ACCS: variants seen among roughly 807,000 people sequenced by gnomAD.
ACCS encodes the protein 1-aminocyclopropane-1-carboxylate synthase-like protein 1.
Under a neutral mutation model 59.8 loss-of-function variants are expected in ACCS, and 42 were observed. The observed-to-expected ratio is 0.70, with a 90% CI of 0.55 to 0.91. The LOEUF (loss-of-function observed/expected upper bound fraction) is 0.91. Among genes scored for constraint, ACCS ranks in the 40% least tolerant of loss-of-function variants. The pLI is 0.00. For missense variants in ACCS, 602 were observed against 630.4 expected (o/e 0.95, Z 0.48); for synonymous variants, 230 against 240.3 (o/e 0.96, Z 0.40).
At chr11:44,076,664 C>G (rs1320294757) in intron 6 of ACCS, among the ~76,000 whole-genome samples, 15 of 152,228 alleles carry the variant, frequency 9.9e-5, no homozygotes, top group African/African-American at 3.6e-4. Context: ...AAAATAGAAA[C>G]AAATGTTCAG....
Position 44,083,438 on chromosome 11 carries a change from C to A in ACCS, c.1269C>A (p.Gly423=). Residue 423 remains glycine (G), a synonymous_variant, in exon 14 of 15, where the codon GGC becomes GGA. Transcript: ENST00000263776. ...WVDLRKYLPK[G]TFEEEMLLWR... ...CACCCTCTCAGTACCTGCCCAAGGG[C>A]ACCTTTGAGGAGGAAATGCTGCTCT... The A allele has an allele frequency of 1.2e-6, 2 of 1,614,170 alleles. No individual in the cohort carries two copies.
intron 7 of ACCS, 137 bp from the exon 8 acceptor site, chr11:44,077,708 G>T: frequency 6.8e-7 from 1 of 1,462,358 alleles, no homozygotes; most frequent in Non-Finnish European, 9.0e-7. Context: ...TAAGAGGGAG[G>T]GACCCCACCT....
intron 8 of ACCS, 26 bp downstream of exon 8, chr11:44,077,948 G>T: frequency 6.2e-7 from 1 of 1,611,264 alleles, no homozygotes; most frequent in Non-Finnish European, 8.5e-7. Context: ...CAAACCTGAG[G>T]CTGGGTGTGG....
Position 44,083,589 on chromosome 11 carries a change from G to A in ACCS, c.1408+12G>A, listed in dbSNP as rs763449430. ...CCGGCTTTGCCTGGGTGAGCAGCCT[G>A]CCTTTCCAGCCCAGTCCTAACTGCA... is the stretch of plus-strand genomic sequence containing the variant. On this transcript the variant is annotated intron_variant, in intron 14 of 14. Transcript: ENST00000263776. The A allele has an allele frequency of 5.6e-6, 9 of 1,614,204 alleles. No individual in the cohort carries two copies. Among genetic ancestry groups the A allele is most frequent in the Middle Eastern group, 1.6e-4 (1 of 6,062 alleles).
intron 4 of ACCS, 151 bp from the exon 5 acceptor site, chr11:44,074,461 G>A: frequency 1.5e-6 from 1 of 666,322 alleles, no homozygotes; most frequent in Non-Finnish European, 2.7e-6. Context: ...GAAGGTGGGT[G>A]CTAAGGAGTG....
At chr11:44,075,876 C>T in intron 6 of ACCS, 1 of 371,842 alleles carries the variant, frequency 2.7e-6, no homozygotes, top group Non-Finnish European at 4.9e-6. Flanking sequence ...TGTCTTAGAG[C>T]AGGAAGAAAG....
At chr11:44,068,542 C>T (rs1952897869) in intron 2 of ACCS, among the ~76,000 whole-genome samples, 1 of 152,160 alleles carries the variant, frequency 6.6e-6, no homozygotes, top group South Asian at 2.1e-4. Context: ...AAGGTTGAGA[C>T]TATAGTGAGC....
chr11:44,083,327 G>T lies in ACCS; in HGVS notation c.1254+16G>T. 6.2e-7 allele frequency: 1 copy of T among 1,613,812 alleles called. No homozygotes were observed. Among genetic ancestry groups the T allele is most frequent in the South Asian group, 1.1e-5 (1 of 91,092 alleles). Reference sequence around the variant, plus strand: ...CTTGAGAAAGGTAATGCTGGTGGAGGTGCGGGCTGAGAGGGAGTTTCAGGT... The same window carrying T: ...CTTGAGAAAGGTAATGCTGGTGGAGTTGCGGGCTGAGAGGGAGTTTCAGGT... On this transcript the variant is annotated intron_variant, in intron 13 of 14. Coordinates refer to ENST00000263776, the MANE Select transcript of ACCS (RefSeq NM_032592.4).
intron 2 of ACCS, among the ~76,000 whole-genome samples, chr11:44,068,275 A>G (rs1952886194): frequency 6.6e-6 from 1 of 152,110 alleles, no homozygotes; most frequent in African/African-American, 2.4e-5. Context: ...TAGTTACTTA[A>G]CTTCCTTGAA....
chr11:44,067,384 A>C, intron 1 of ACCS: 1 of 450,086 alleles, frequency 2.2e-6, no homozygotes, highest in Admixed American at 4.0e-5. Flanking sequence ...TAAAGCAGCA[A>C]TACATTAAAG....
At chr11:44,075,675 A>G in intron 6 of ACCS, 83 bp downstream of exon 6, 1 of 1,514,746 alleles carries the variant, frequency 6.6e-7, no homozygotes, top group Non-Finnish European at 9.1e-7. Flanking sequence ...CAAGGGCTGC[A>G]ATAGTATGCT....
At chr11:44,069,865 G>A (rs574198310) in intron 2 of ACCS, among the ~76,000 whole-genome samples, 1 of 152,206 alleles carries the variant, frequency 6.6e-6, no homozygotes, top group Admixed American at 6.5e-5. Flanking sequence ...TTAATTAGAA[G>A]CACGTTGCTA....
At chr11:44,083,107 C>T in intron 12 of ACCS, 62 bp from the exon 13 acceptor site, 1 of 1,591,406 alleles carries the variant, frequency 6.3e-7, no homozygotes, top group Non-Finnish European at 8.6e-7. Flanking sequence ...AGCATTTAGA[C>T]TAGTGGGACC....
At chr11:44,076,244 G>T (rs1953354998) in intron 6 of ACCS, among the ~76,000 whole-genome samples, 1 of 152,188 alleles carries the variant, frequency 6.6e-6, no homozygotes, top group Non-Finnish European at 1.5e-5. Context: ...AGGGGTTATT[G>T]GTTGCAAGGA....
intron 5 of ACCS, 103 bp downstream of exon 5, chr11:44,074,784 C>CTTTCTTTCTTTCTTTCTTTCTT: frequency 2.5e-6 from 1 of 398,322 alleles, no homozygotes; most frequent in East Asian, 7.1e-5. Flanking sequence ...TTTTCTCTCT[C>CTTTCTTTCTTTCTTTCTTTCTT]TCTCTCTTTC....
intron 7 of ACCS, 175 bp from the exon 8 acceptor site, chr11:44,077,670 G>A: frequency 6.9e-7 from 1 of 1,444,670 alleles, no homozygotes; most frequent in South Asian, 1.5e-5. Context: ...GGGGGTCTCT[G>A]AAGTGATGGG....
rs1952803076 is a variant in ACCS, at chr11:44,066,531, G to C, written c.-171G>C. On this transcript the variant is annotated 5_prime_UTR_variant, in exon 1 of 15. Coordinates refer to ENST00000263776, the MANE Select transcript of ACCS (RefSeq NM_032592.4). ...GTGCGCGGTAGCCGCCCCACTTGCG[G>C]GATTCCAAGGCCTCATCGAGTGCGG... 1 of 152,254 alleles carries C rather than the reference G, an allele frequency of 6.6e-6. No homozygotes were observed. The highest frequency in any genetic ancestry group is 2.1e-4 in the South Asian group (1 of 4,834). 9.4% of individuals were successfully genotyped at this position (152,254 alleles called of 1,614,324 possible).
At position 44,066,419 on chromosome 11, in the gene ACCS, G is replaced by C. The variant is rs1211176490; in HGVS notation, c.-283G>C. ...CTGCCCTTCCATCTCGAATCCCTTG[G>C]CGCCGATCACACTTCCTCTGCCTGG... On this transcript the variant is annotated 5_prime_UTR_variant, in exon 1 of 15. Transcript: ENST00000263776. 6.6e-6 allele frequency: 1 copy of C among 152,334 alleles called. No individual in the cohort carries two copies. Among genetic ancestry groups the C allele is most frequent in the Non-Finnish European group, 1.5e-5 (1 of 68,152 alleles). 9.4% of individuals were successfully genotyped at this position (152,334 alleles called of 1,614,324 possible).
chr11:44,070,421 C>T (rs1444022406), intron 2 of ACCS, among the ~76,000 whole-genome samples: 2 of 152,158 alleles, frequency 1.3e-5, no homozygotes, highest in Admixed American at 6.5e-5. Context: ...GATGTGTGGA[C>T]AGATTGGCTC....
Sources: gnomAD v4.1 joint callset for allele counts (sites outside exome capture counted in the v4.1 genomes callset) on GRCh38, gnomAD v4.1.1 for gene constraint, MANE v1.5 for transcripts, NCBI Gene and HGNC (gene_info 2026-07-23, HGNC 2026-07-21) for gene names.